The following GCFC2 variants were observed in gnomAD, a reference collection of about 807,000 sequenced individuals.
GCFC2 encodes intron Large complex component GCFC2.
GCFC2 carries 102 observed loss-of-function variants against 99.4 expected under a neutral mutation model. The observed-to-expected ratio is 1.03, with a 90% CI of 0.87 to 1.21. GCFC2 has a LOEUF of 1.21. Ranked by LOEUF, GCFC2 falls within the 50% of genes most tolerant of loss-of-function variation. The pLI, the probability that GCFC2 is intolerant of heterozygous loss-of-function variation, is 0.00. For missense variants in GCFC2, 973 were observed against 920.9 expected (o/e 1.06, Z -0.73); for synonymous variants, 338 against 316.8 (o/e 1.07, Z -0.71).
Position 75,685,073 on chromosome 2 carries a change from T to C in GCFC2, c.1690+2754A>G, listed in dbSNP as rs539794871. 1.1e-3 allele frequency among the ~76,000 whole-genome samples: 161 copies of C among 152,162 alleles called. 1 individual carries two copies. Among genetic ancestry groups the C allele is most frequent in the African/African-American group, 3.7e-3 (155 of 41,526 alleles). ...CGGGGCCTTTTGGGGGTCAGGGGAC[T>C]GGGGTGGGATAGCATTAGGAGAAAT... is the stretch of plus-strand genomic sequence containing the variant. On this transcript the variant is annotated intron_variant, in intron 11 of 16. Coordinates refer to ENST00000321027, the MANE Select transcript of GCFC2 (RefSeq NM_003203.5).
chr2:75,683,035 G>C (rs1469788690), intron 11 of GCFC2, among the ~76,000 whole-genome samples: 1 of 151,822 alleles, frequency 6.6e-6, no homozygotes, highest in Non-Finnish European at 1.5e-5. Flanking sequence ...ACATTATCCG[G>C]AAGAACTTCC....
At chr2:75,710,284 C>T (rs1368679887) in intron 1 of GCFC2, among the ~76,000 whole-genome samples, 1 of 152,204 alleles carries the variant, frequency 6.6e-6, no homozygotes, top group African/African-American at 2.4e-5. Context: ...TTAGGTTCTT[C>T]ATAAACTTTG....
At chr2:75,693,477 A>C (rs1200827186) in intron 6 of GCFC2, among the ~76,000 whole-genome samples, 2 of 152,092 alleles carry the variant, frequency 1.3e-5, no homozygotes, top group Non-Finnish European at 2.9e-5. Flanking sequence ...AATAACAAAA[A>C]TGTGGAAAGT....
At chr2:75,675,398 A>T (rs1231666645) in intron 12 of GCFC2, among the ~76,000 whole-genome samples, 1 of 152,198 alleles carries the variant, frequency 6.6e-6, no homozygotes, top group Non-Finnish European at 1.5e-5. Flanking sequence ...TTATTCATGA[A>T]AGTTTTCTTT....
At chr2:75,710,924 C>A (rs1010528686), upstream of GCFC2, 17 of 1,400,752 alleles carry the variant, frequency 1.2e-5, no homozygotes, top group South Asian at 1.9e-4. Flanking sequence ...GTGCCCGCCC[C>A]CTAGGGCGCG....
intron 6 of GCFC2, 145 bp from the exon 7 acceptor site, chr2:75,692,245 A>G (rs1680116176): frequency 3.8e-6 from 1 of 261,156 alleles, no homozygotes; most frequent in Non-Finnish European, 7.1e-6. Flanking sequence ...ATACTATCAC[A>G]TCTGAAGTAT....
At chr2:75,700,478 T>C (rs542919540) in intron 4 of GCFC2, among the ~76,000 whole-genome samples, 23 of 152,242 alleles carry the variant, frequency 1.5e-4, no homozygotes, top group African/African-American at 5.5e-4. Context: ...GAAGTAGATA[T>C]ACCATTGCGG....
chr2:75,686,252 T>C (rs1462376551), intron 11 of GCFC2, among the ~76,000 whole-genome samples: 1 of 152,146 alleles, frequency 6.6e-6, no homozygotes, highest in East Asian at 1.9e-4. Flanking sequence ...AGTTTTTATT[T>C]TTTATTTTTT....
At chr2:75,666,368 T>C (rs185250869) in intron 15 of GCFC2, among the ~76,000 whole-genome samples, 1 of 152,266 alleles carries the variant, frequency 6.6e-6, no homozygotes, top group Admixed American at 6.5e-5. Flanking sequence ...AAACCAAAAA[T>C]GTCTAGACAC....
chr2:75,675,186 T>C (rs1225752599), intron 12 of GCFC2, among the ~76,000 whole-genome samples: 8 of 152,216 alleles, frequency 5.3e-5, no homozygotes, highest in African/African-American at 1.7e-4. Context: ...GATTAAGTGT[T>C]GATAAATTTA....
At chr2:75,708,501 CTTTTTTTT>C (rs34414596) in intron 1 of GCFC2, among the ~76,000 whole-genome samples, 5,739 of 79,022 alleles carry the variant, frequency 0.073, 307 homozygotes, top group East Asian at 0.22. Flanking sequence ...CATTTGGCAA[CTTTTTTTT>C]TTTTTTTTTT....
chr2:75,711,202 T>TA, upstream of GCFC2: 2 of 985,272 alleles, frequency 2.0e-6, no homozygotes, highest in Non-Finnish European at 2.4e-6. Context: ...AAATCAAGCG[T>TA]TATGCTTTCC....
chr2:75,694,029 T>A (rs1011632960), intron 6 of GCFC2, among the ~76,000 whole-genome samples: 3 of 152,098 alleles, frequency 2.0e-5, no homozygotes, highest in African/African-American at 7.2e-5. Context: ...CAAAAATTTA[T>A]ATACAAAATT....
At chr2:75,696,343 A>C in intron 4 of GCFC2, 28 bp from the exon 5 acceptor site, 1 of 949,388 alleles carries the variant, frequency 1.1e-6, no homozygotes, top group Admixed American at 1.8e-5. Flanking sequence ...GATTTTTACA[A>C]AACCATTTAT....
chr2:75,674,585 A>C (rs1679258680), intron 12 of GCFC2, among the ~76,000 whole-genome samples: 1 of 152,052 alleles, frequency 6.6e-6, no homozygotes, highest in African/African-American at 2.4e-5. Flanking sequence ...TATTTTTTTC[A>C]TATATTAGCA....
chr2:75,680,062 A>G, intron 12 of GCFC2, 131 bp downstream of exon 12: 1 of 662,674 alleles, frequency 1.5e-6, no homozygotes, highest in Non-Finnish European at 2.4e-6. Flanking sequence ...TCTATAAATC[A>G]AAAGTAAATA....
At chr2:75,698,828 A>G (rs985163944) in intron 4 of GCFC2, among the ~76,000 whole-genome samples, 3 of 152,038 alleles carry the variant, frequency 2.0e-5, no homozygotes, top group African/African-American at 7.2e-5. Flanking sequence ...CCTAGGCAAC[A>G]TGATGAAACC....
chr2:75,688,994 AG>A, intron 10 of GCFC2, 31 bp downstream of exon 10: 1 of 1,147,796 alleles, frequency 8.7e-7, no homozygotes, highest in Non-Finnish European at 1.3e-6. Flanking sequence ...TAATATAATC[AG>A]GATAATTTTT....
At position 75,710,740 on chromosome 2, in the gene GCFC2, C is replaced by G; in HGVS notation, c.116G>C (p.Gly39Ala). ...AGAGGGCGGCTCTTCCTCCGCAGAA[C>G]CCGGGACCGGAAGTTCCCTCGGCGC... ...PGAPRELPVP[G>A]SAEEEPPSGG... The change falls in exon 1 of 17, where the codon GGT becomes GCT. Residue 39 changes from glycine to alanine, a missense_variant. Physicochemically the swap from Gly to Ala is moderately conservative, Grantham distance 60. Transcript: ENST00000321027. 6.4e-7 allele frequency: 1 copy of G among 1,561,804 alleles called. No individual in the cohort carries two copies. Among genetic ancestry groups the G allele is most frequent in the Non-Finnish European group, 8.6e-7 (1 of 1,158,066 alleles).
Sources: gnomAD v4.1 joint callset for allele counts (sites outside exome capture counted in the v4.1 genomes callset) on GRCh38, gnomAD v4.1.1 for gene constraint, MANE v1.5 for transcripts, NCBI Gene and HGNC (gene_info 2026-07-23, HGNC 2026-07-21) for gene names.